The following TSGA10 variants were observed in gnomAD, a reference collection of about 807,000 sequenced individuals.
TSGA10 encodes the protein testis specific 10, also known as testis-specific gene 10 protein.
TSGA10 carries 43 observed loss-of-function variants against 96.6 expected under a neutral mutation model. The observed-to-expected ratio is 0.44, with a 90% CI of 0.35 to 0.57. TSGA10 has a LOEUF of 0.57. TSGA10 is among the 20% of genes least tolerant of loss of function. The probability of loss-of-function intolerance (pLI) is 0.01; values close to 1 mark genes in which losing one functional copy is unlikely to be tolerated. For missense variants in TSGA10, 703 were observed against 834.4 expected (o/e 0.84, Z 1.94); for synonymous variants, 229 against 269.9 (o/e 0.85, Z 1.48).
chr2:99,004,468 C>T (rs888679735), intron 20 of TSGA10, among the ~76,000 whole-genome samples: 1 of 150,700 alleles, frequency 6.6e-6, no homozygotes, highest in Non-Finnish European at 1.5e-5. Flanking sequence ...ATGTCACCAC[C>T]GATCTCACAG....
intron 16 of TSGA10, among the ~76,000 whole-genome samples, chr2:99,061,727 T>C (rs1262488416): frequency 2.0e-5 from 3 of 152,108 alleles, no homozygotes; most frequent in Admixed American, 6.6e-5. Context: ...GGCCAAAAAC[T>C]AGAAACAACC....
intron 1 of TSGA10, among the ~76,000 whole-genome samples, chr2:99,145,083 G>A (rs2093618739): frequency 6.6e-6 from 1 of 152,180 alleles, no homozygotes; most frequent in Non-Finnish European, 1.5e-5. Context: ...ATGTCAGGCA[G>A]GTCTACATTC....
intron 16 of TSGA10, among the ~76,000 whole-genome samples, chr2:99,044,718 A>G (rs1410509863): frequency 6.6e-6 from 1 of 152,186 alleles, no homozygotes; most frequent in Non-Finnish European, 1.5e-5. Context: ...CCAAATCAAC[A>G]GAATATACAT....
At chr2:99,116,148 C>T (rs2092245955) in intron 4 of TSGA10, among the ~76,000 whole-genome samples, 1 of 152,142 alleles carries the variant, frequency 6.6e-6, no homozygotes, top group South Asian at 2.1e-4. Flanking sequence ...TACTCTGTTA[C>T]AGACACAATT....
Position 99,105,602 on chromosome 2 carries a change from CT to C in TSGA10, c.305del (p.Glu102GlyfsTer6). Reference protein sequence around the residue: ...TTAHAILRRVETERDVAFTDL... With the variant: ...TTAHAILRRVXTERDVAFTDL... ...CAGTAAAGGCTACATCTCTTTCAGT[CT>C]CCACTCGCCGGAGAATAGCATGTGC... On this transcript the variant is annotated frameshift_variant, in exon 8 of 21. Coordinates refer to ENST00000393483, the MANE Select transcript of TSGA10 (RefSeq NM_025244.4). LOFTEE classifies it high-confidence loss of function. The C allele has an allele frequency of 6.2e-7, 1 of 1,610,864 alleles. No individual in the cohort carries two copies. Among genetic ancestry groups the C allele is most frequent in the Non-Finnish European group, 8.5e-7 (1 of 1,177,220 alleles).
chr2:99,145,308 A>G (rs1277520118), intron 1 of TSGA10, among the ~76,000 whole-genome samples: 1 of 152,160 alleles, frequency 6.6e-6, no homozygotes, highest in African/African-American at 2.4e-5. Flanking sequence ...CTATAATCCC[A>G]GCATTTTGGG....
At chr2:99,107,410 A>G (rs1346271629) in intron 7 of TSGA10, among the ~76,000 whole-genome samples, 1 of 152,210 alleles carries the variant, frequency 6.6e-6, no homozygotes, top group Non-Finnish European at 1.5e-5. Flanking sequence ...TAAGGTTAAA[A>G]TTGTAAAATT....
rs1217481381 is a variant in TSGA10 at position 99,144,182 on chromosome 2, G to A, written c.-621+10511C>T. Among the ~76,000 whole-genome samples, 10 of 152,048 alleles carry A rather than the reference G, an allele frequency of 6.6e-5. No homozygotes were observed. In the East Asian group the frequency reaches 9.7e-4, roughly 15 times the overall value. On this transcript the variant is annotated intron_variant, in intron 1 of 20. Coordinates refer to ENST00000393483, the MANE Select transcript of TSGA10 (RefSeq NM_025244.4). ...ACTACAGGCGCCCACCACCACGCCC[G>A]GCTAATTTTTTTGTATTTTTAGTAG...
chr2:99,077,665 G>A (rs1352461676), intron 12 of TSGA10, among the ~76,000 whole-genome samples: 1 of 151,982 alleles, frequency 6.6e-6, no homozygotes, highest in Admixed American at 6.5e-5. Flanking sequence ...GGGTTCAAGC[G>A]AGTCTCCTGA....
At chr2:99,054,281 C>T (rs886337296) in intron 16 of TSGA10, among the ~76,000 whole-genome samples, 3 of 152,008 alleles carry the variant, frequency 2.0e-5, no homozygotes, top group Non-Finnish European at 4.4e-5. Flanking sequence ...GGAGAAAGGA[C>T]GATCTCTGCA....
At chr2:99,077,589 T>C (rs1045460757) in intron 12 of TSGA10, among the ~76,000 whole-genome samples, 2 of 151,972 alleles carry the variant, frequency 1.3e-5, no homozygotes, top group African/African-American at 4.8e-5. Flanking sequence ...TGAGACAGAG[T>C]CTCGCACTGT....
chr2:99,124,901 A>G (rs186578061), intron 2 of TSGA10: 3 of 152,266 alleles, frequency 2.0e-5, no homozygotes, highest in African/African-American at 7.2e-5. Context: ...TACATTATTA[A>G]TAACTAGTAT....
chr2:99,101,637 T>C (rs2090747436), intron 10 of TSGA10, among the ~76,000 whole-genome samples: 1 of 151,936 alleles, frequency 6.6e-6, no homozygotes, highest in Non-Finnish European at 1.5e-5. Flanking sequence ...TCAAGAGAGC[T>C]AACATTAACA....
At chr2:99,042,311 T>C (rs1471580731) in intron 16 of TSGA10, among the ~76,000 whole-genome samples, 1 of 152,074 alleles carries the variant, frequency 6.6e-6, no homozygotes, top group Non-Finnish European at 1.5e-5. Flanking sequence ...AGAACAGAAA[T>C]GACTGGGTGC....
At position 99,118,480 on chromosome 2, in the gene TSGA10, T is replaced by C. The variant is rs149405364; in HGVS notation, c.-356+71A>G. The C allele has an allele frequency of 8.1e-5, 30 of 368,508 alleles. No individual in the cohort carries two copies. In the East Asian group the frequency reaches 3.2e-3, roughly 39 times the overall value. The allele number at this position is 368,508 out of a possible 1,614,324, so 22.8% of individuals were successfully genotyped here. Reference sequence around the variant, plus strand: ...AAAAAAAAAAAAAAGTATATATACATATATATATACGTATATATATGTGTA... The same window carrying C: ...AAAAAAAAAAAAAAGTATATATACACATATATATACGTATATATATGTGTA... On this transcript the variant is annotated intron_variant, in intron 3 of 20. Transcript: ENST00000393483.
chr2:99,105,195 A>G (rs985462320), intron 9 of TSGA10, among the ~76,000 whole-genome samples, 164 bp downstream of exon 9: 1 of 152,218 alleles, frequency 6.6e-6, no homozygotes, highest in Non-Finnish European at 1.5e-5. Flanking sequence ...AAATAAACAA[A>G]TGAAAAAGTG....
rs2089498330 is a variant in TSGA10, at chr2:99,092,709, C to T, written c.611+11258G>A. The stretch of plus-strand genomic sequence containing the variant: ...AAATTCCTGGAAATATACAACCCTC[C>T]TAGCTTAAACCAGGAAGAATTAGAA... On this transcript the variant is annotated intron_variant, in intron 10 of 20. Coordinates refer to ENST00000393483, the MANE Select transcript of TSGA10 (RefSeq NM_025244.4). Among the ~76,000 whole-genome samples the T allele has an allele frequency of 2.6e-5, 4 of 152,084 alleles. No homozygotes were observed. The South Asian group carries it at 8.3e-4, about 31-fold the overall frequency.
At chr2:99,022,157 C>T (rs537595304) in intron 17 of TSGA10, among the ~76,000 whole-genome samples, 3 of 151,600 alleles carry the variant, frequency 2.0e-5, no homozygotes, top group Non-Finnish European at 2.9e-5. Flanking sequence ...GAAACTCCAT[C>T]GCTACAAAAA....
In TSGA10 at chr2:99,145,430, G is replaced by A. The variant is rs563100168; in HGVS notation, c.-621+9263C>T. On this transcript the variant is annotated intron_variant, in intron 1 of 20. Transcript: ENST00000393483. ...AAAAATTAACTGATCGTGGTGGCAG[G>A]CACCTGTAATCCCAGCTACTTGGGA... Among the ~76,000 whole-genome samples, 32 of 152,026 alleles carry A rather than the reference G, an allele frequency of 2.1e-4. 1 individual carries two copies. The South Asian group carries it at 6.0e-3, about 29-fold the overall frequency.
Sources: allele counts gnomAD v4.1 joint callset (sites outside exome capture counted in the v4.1 genomes callset), GRCh38; gene constraint gnomAD v4.1.1; transcripts MANE v1.5; gene names NCBI Gene and HGNC (gene_info 2026-07-23, HGNC 2026-07-21).